STK39: variants seen among roughly 807,000 people sequenced by gnomAD.
STK39 encodes the protein STE20/SPS1-related proline-alanine-rich protein kinase.
A neutral mutation model predicts 77.8 loss-of-function variants in STK39; 20 were observed. The observed-to-expected ratio is 0.26, with a 90% CI of 0.18 to 0.37. The LOEUF is 0.37. Among genes scored for constraint, STK39 ranks in the 10% least tolerant of loss-of-function variants. The pLI, the probability that STK39 is intolerant of heterozygous loss-of-function variation, is 1.00. For synonymous variants in STK39, 246 were observed against 234.1 expected (o/e 1.05, Z -0.47); for missense variants, 479 against 656.5 (o/e 0.73, Z 2.95).
chr2:168,205,528 G>T (rs1689719329), intron 1 of STK39, among the ~76,000 whole-genome samples: 2 of 152,092 alleles, frequency 1.3e-5, no homozygotes, highest in Non-Finnish European at 2.9e-5. Flanking sequence ...TATATGGGCT[G>T]GCACAGTGGC....
intron 1 of STK39, among the ~76,000 whole-genome samples, chr2:168,242,699 A>C (rs575621591): frequency 3.1e-4 from 46 of 149,684 alleles, no homozygotes; most frequent in African/African-American, 1.0e-3. Flanking sequence ...CTTGGGCAAC[A>C]TAGTGAGACC....
At chr2:168,095,375 G>A (rs920473840) in intron 10 of STK39, among the ~76,000 whole-genome samples, 3 of 152,132 alleles carry the variant, frequency 2.0e-5, no homozygotes, top group Non-Finnish European at 4.4e-5. Context: ...TAGGTCATGT[G>A]TTAAAAATGC....
intron 1 of STK39, among the ~76,000 whole-genome samples, chr2:168,185,607 A>G (rs1356259379): frequency 6.6e-6 from 1 of 152,216 alleles, no homozygotes; most frequent in Non-Finnish European, 1.5e-5. Flanking sequence ...ATTTCATGGA[A>G]ATATAATTTA....
At chr2:167,996,994 G>A (rs548656740) in intron 16 of STK39, among the ~76,000 whole-genome samples, 2 of 150,470 alleles carry the variant, frequency 1.3e-5, no homozygotes, top group South Asian at 4.3e-4. Flanking sequence ...TAAACCAGGA[G>A]GTAACCCTAG....
chr2:167,974,308 G>A (rs1274504292), intron 16 of STK39, among the ~76,000 whole-genome samples: 1 of 151,960 alleles, frequency 6.6e-6, no homozygotes, highest in Non-Finnish European at 1.5e-5. Flanking sequence ...ATAATACCAA[G>A]TGTTTTAAAC....
At chr2:167,965,413 T>C (rs1464059488) in intron 16 of STK39, among the ~76,000 whole-genome samples, 1 of 152,222 alleles carries the variant, frequency 6.6e-6, no homozygotes, top group Non-Finnish European at 1.5e-5. Flanking sequence ...ATGTTTTCAG[T>C]ATTAGCTGGA....
intron 14 of STK39, among the ~76,000 whole-genome samples, chr2:168,033,517 A>G (rs1338046272): frequency 6.6e-6 from 1 of 152,208 alleles, no homozygotes; most frequent in East Asian, 1.9e-4. Context: ...AGAGCTCTGG[A>G]TGGCTACAAA....
At chr2:167,956,224 CT>C (rs1411556692) in intron 17 of STK39, among the ~76,000 whole-genome samples, 7 of 152,148 alleles carry the variant, frequency 4.6e-5, no homozygotes, top group Non-Finnish European at 1.0e-4. Flanking sequence ...GTGTCAAATA[CT>C]TTATTTTTCT....
intron 2 of STK39, among the ~76,000 whole-genome samples, chr2:168,176,549 T>C (rs115964867): frequency 0.018 from 2,761 of 152,222 alleles, 93 homozygotes; most frequent in African/African-American, 0.064. Context: ...GAGTGAACAG[T>C]AGATCAAGAG....
chr2:168,135,272 T>C (rs1467467757), intron 8 of STK39, among the ~76,000 whole-genome samples: 1 of 150,010 alleles, frequency 6.7e-6, no homozygotes, highest in Admixed American at 6.6e-5. Context: ...AAAAGGCAAA[T>C]AACGAATGGC....
intron 16 of STK39, among the ~76,000 whole-genome samples, chr2:167,987,210 T>C (rs143975289): frequency 8.3e-4 from 127 of 152,240 alleles, no homozygotes; most frequent in African/African-American, 2.8e-3. Flanking sequence ...CCCACTGTAG[T>C]TTCCCTACAA....
At chr2:168,163,676 A>T in intron 4 of STK39, 63 bp downstream of exon 4, 1 of 1,609,614 alleles carries the variant, frequency 6.2e-7, no homozygotes, top group Non-Finnish European at 8.5e-7. Context: ...AGACAGTCTA[A>T]GCCTTCCAAA....
intron 1 of STK39, among the ~76,000 whole-genome samples, chr2:168,195,350 C>T (rs1559141460): frequency 1.3e-5 from 2 of 152,046 alleles, no homozygotes; most frequent in East Asian, 1.9e-4. Context: ...CAGTGAGCCA[C>T]GATGGCACTA....
At chr2:168,185,996 T>C (rs545597748) in intron 1 of STK39, among the ~76,000 whole-genome samples, 9 of 152,304 alleles carry the variant, frequency 5.9e-5, no homozygotes, top group African/African-American at 1.7e-4. Flanking sequence ...TGAATGTCTG[T>C]GTTCCCCTAA....
At chr2:168,160,918 G>A (rs1688553674) in intron 5 of STK39, among the ~76,000 whole-genome samples, 1 of 150,232 alleles carries the variant, frequency 6.7e-6, no homozygotes, top group Non-Finnish European at 1.5e-5. Context: ...CCTCCACGAT[G>A]AGGAGAGGCA....
At chr2:167,999,705 A>G (rs545644982) in intron 16 of STK39, among the ~76,000 whole-genome samples, 16 of 151,974 alleles carry the variant, frequency 1.1e-4, no homozygotes, top group Middle Eastern at 3.4e-3. Flanking sequence ...CTCATGATCC[A>G]CCCACCTCGG....
intron 10 of STK39, among the ~76,000 whole-genome samples, chr2:168,095,212 CT>C (rs1403132091): frequency 6.6e-6 from 1 of 152,204 alleles, no homozygotes; most frequent in Non-Finnish European, 1.5e-5. Context: ...CTCCTTACAG[CT>C]CACAGCACCG....
intron 16 of STK39, among the ~76,000 whole-genome samples, chr2:168,002,578 G>C (rs575080089): frequency 3.9e-5 from 6 of 152,230 alleles, no homozygotes; most frequent in African/African-American, 1.4e-4. Flanking sequence ...AGTTTTCTAG[G>C]AATTCTTTTT....
At chr2:168,131,719 C>G (rs1166091978) in intron 8 of STK39, among the ~76,000 whole-genome samples, 1 of 152,138 alleles carries the variant, frequency 6.6e-6, no homozygotes, top group African/African-American at 2.4e-5. Context: ...AGGGTCTAAA[C>G]AACAGGTAGG....
Sources: gnomAD v4.1 joint callset for allele counts (sites outside exome capture counted in the v4.1 genomes callset) on GRCh38, gnomAD v4.1.1 for gene constraint, MANE v1.5 for transcripts, NCBI Gene and HGNC (gene_info 2026-07-23, HGNC 2026-07-21) for gene names.